RNFT2: variants seen among roughly 807,000 people sequenced by gnomAD.
The protein encoded by RNFT2 is ring finger protein, transmembrane 2, also known as E3 ubiquitin-protein ligase RNFT2.
Under a neutral mutation model 53.0 loss-of-function variants are expected in RNFT2, and 36 were observed. The observed-to-expected ratio is 0.68, with a 90% CI of 0.52 to 0.90. RNFT2 has a LOEUF of 0.90. RNFT2 is among the 40% of genes least tolerant of loss of function. The probability of loss-of-function intolerance (pLI) is 0.00; values close to 1 mark genes in which losing one functional copy is unlikely to be tolerated. For missense variants in RNFT2, 514 were observed against 585.6 expected (o/e 0.88, Z 1.26); for synonymous variants, 260 against 253.2 (o/e 1.03, Z -0.26).
intron 7 of RNFT2, among the ~76,000 whole-genome samples, chr12:116,821,486 G>A (rs542429386): frequency 6.6e-6 from 1 of 152,318 alleles, no homozygotes; most frequent in African/African-American, 2.4e-5. Context: ...TAACAGGCCC[G>A]CAGGCCACCT....
intron 7 of RNFT2, among the ~76,000 whole-genome samples, chr12:116,828,064 C>T (rs765225633): frequency 3.0e-4 from 45 of 152,274 alleles, no homozygotes; most frequent in Non-Finnish European, 4.4e-4. Flanking sequence ...ATGGGGTAGC[C>T]GTGTCCTTAC....
intron 7 of RNFT2, among the ~76,000 whole-genome samples, chr12:116,826,129 TCTC>T (rs931878202): frequency 2.0e-5 from 3 of 151,942 alleles, no homozygotes; most frequent in African/African-American, 4.8e-5. Flanking sequence ...TCCAAAAAAT[TCTC>T]CTCTCTGTTC....
intron 7 of RNFT2, among the ~76,000 whole-genome samples, chr12:116,822,176 C>A (rs1876073290): frequency 6.6e-6 from 1 of 152,042 alleles, no homozygotes; most frequent in Admixed American, 6.6e-5. Context: ...TCTCTGTCCC[C>A]TTAGTTCTGA....
In RNFT2 at chr12:116,852,075, C is replaced by A; in HGVS notation, c.*2627C>A. On this transcript the variant is annotated 3_prime_UTR_variant, in exon 11 of 11. Coordinates refer to ENST00000257575, the MANE Select transcript of RNFT2 (RefSeq NM_001382266.1). Reference sequence around the variant, plus strand: ...CCACTTCTCCACCTCTGAAATGTTCCCTGCTCTGAAATCTGGCATGAGATG... The same window carrying A: ...CCACTTCTCCACCTCTGAAATGTTCACTGCTCTGAAATCTGGCATGAGATG... 9.1e-7 allele frequency: 1 copy of A among 1,100,932 alleles called. No homozygotes were observed. The highest frequency in any genetic ancestry group is 1.3e-6 in the Non-Finnish European group (1 of 799,372). The allele number at this position is 1,100,932 out of a possible 1,614,324, so 68.2% of individuals were successfully genotyped here.
intron 7 of RNFT2, among the ~76,000 whole-genome samples, chr12:116,786,027 C>T (rs977598330): frequency 2.0e-5 from 3 of 151,890 alleles, no homozygotes; most frequent in Non-Finnish European, 2.9e-5. Flanking sequence ...ACTCCAGCCT[C>T]GGCAATAGAG....
In RNFT2 at chr12:116,767,573, T is replaced by G. The variant is rs1376939799; in HGVS notation, c.728+659T>G. 2.6e-5 allele frequency among the ~76,000 whole-genome samples: 4 copies of G among 151,812 alleles called. No individual in the cohort carries two copies. In the East Asian group the frequency reaches 7.7e-4, roughly 29 times the overall value. On this transcript the variant is annotated intron_variant, in intron 6 of 10. Coordinates refer to ENST00000257575, the MANE Select transcript of RNFT2 (RefSeq NM_001382266.1). ...GATCGATATAAAAATTATGTTTTTT[T>G]TTTGTTTGTTTTTTCTTGTTTTTTG...
chr12:116,842,185 T>A (rs973975803), intron 10 of RNFT2, among the ~76,000 whole-genome samples: 16 of 151,596 alleles, frequency 1.1e-4, no homozygotes. Context: ...CACTGGCTCT[T>A]GTGGCCAGTA....
chr12:116,841,782 T>TATATATATATAA (rs1250788546), intron 10 of RNFT2, among the ~76,000 whole-genome samples: 5 of 96,994 alleles, frequency 5.2e-5, no homozygotes, highest in South Asian at 3.0e-4. Flanking sequence ...TATATATAAA[T>TATATATATATAA]ATATATATAT....
chr12:116,773,204 T>C (rs1277238655), intron 6 of RNFT2, among the ~76,000 whole-genome samples: 1 of 151,962 alleles, frequency 6.6e-6, no homozygotes, highest in African/African-American at 2.4e-5. Context: ...TCAGGTGATC[T>C]GCCCGCCTTG....
At position 116,751,357 on chromosome 12, in the gene RNFT2, A is replaced by G. The variant is rs554375890; in HGVS notation, c.550+1050A>G. The stretch of plus-strand genomic sequence containing the variant: ...TGATTCATAAAGTGCTCAGCCTCCT[A>G]TCTGACACATACTCAACAGTCAATA... On this transcript the variant is annotated intron_variant, in intron 4 of 10. Coordinates refer to ENST00000257575, the MANE Select transcript of RNFT2 (RefSeq NM_001382266.1). Among the ~76,000 whole-genome samples the G allele has an allele frequency of 3.9e-5, 6 of 152,244 alleles. No individual in the cohort carries two copies. In the South Asian group the frequency reaches 1.2e-3, roughly 32 times the overall value.
intron 7 of RNFT2, among the ~76,000 whole-genome samples, chr12:116,787,023 C>A (rs1218831100): frequency 1.3e-5 from 2 of 152,166 alleles, no homozygotes; most frequent in African/African-American, 4.8e-5. Flanking sequence ...GGCAGGGTAA[C>A]CTCCCCATGC....
At chr12:116,760,795 A>G (rs1307544451) in intron 5 of RNFT2, among the ~76,000 whole-genome samples, 7 of 152,042 alleles carry the variant, frequency 4.6e-5, no homozygotes, top group Admixed American at 1.3e-4. Flanking sequence ...AAAATTCACA[A>G]TGCGAGCTGC....
chr12:116,748,824 G>A (rs549688813), intron 3 of RNFT2: 211 of 273,600 alleles, frequency 7.7e-4, no homozygotes, highest in Non-Finnish European at 1.4e-3. Context: ...AGAGAGAGTC[G>A]GCCTGGGTTC....
chr12:116,781,894 C>T (rs1230600524), intron 7 of RNFT2, among the ~76,000 whole-genome samples: 5 of 151,576 alleles, frequency 3.3e-5, no homozygotes, highest in South Asian at 2.1e-4. Flanking sequence ...CTGGGCTACA[C>T]GGTGAAACCC....
rs529456076 is a variant in RNFT2 at position 116,847,933 on chromosome 12, C to T, written c.1201-1381C>T. ...ACGTGTGCCATGGTGGTTTGCTGCA[C>T]CTATCAACCCATCACCTAGGTATTA... On this transcript the variant is annotated intron_variant, in intron 10 of 10. Transcript: ENST00000257575. 5.3e-5 allele frequency among the ~76,000 whole-genome samples: 8 copies of T among 152,256 alleles called. No homozygotes were observed. The South Asian group carries it at 1.5e-3, about 28-fold the overall frequency.
At chr12:116,838,336 C>T (rs948814665) in intron 10 of RNFT2, among the ~76,000 whole-genome samples, 1 of 152,200 alleles carries the variant, frequency 6.6e-6, no homozygotes, top group Non-Finnish European at 1.5e-5. Context: ...GGCACGTGGT[C>T]AGGGTTCAAT....
chr12:116,809,256 G>A (rs943962030), intron 7 of RNFT2, among the ~76,000 whole-genome samples: 4 of 152,092 alleles, frequency 2.6e-5, no homozygotes, highest in African/African-American at 7.2e-5. Flanking sequence ...CTGCATCCCA[G>A]TCCTCCTCCA....
intron 7 of RNFT2, among the ~76,000 whole-genome samples, chr12:116,793,440 A>C (rs1269767762): frequency 6.6e-6 from 1 of 151,984 alleles, no homozygotes; most frequent in Non-Finnish European, 1.5e-5. Context: ...CTCCCACCTC[A>C]GCCTCCCAGA....
chr12:116,753,414 G>C (rs56174906), intron 4 of RNFT2, among the ~76,000 whole-genome samples: 3 of 152,086 alleles, frequency 2.0e-5, no homozygotes, highest in Non-Finnish European at 4.4e-5. Flanking sequence ...GCCTCCCAAA[G>C]TGCTGGGATT....
Sources: gnomAD v4.1 joint callset for allele counts (sites outside exome capture counted in the v4.1 genomes callset) on GRCh38, gnomAD v4.1.1 for gene constraint, MANE v1.5 for transcripts, NCBI Gene and HGNC (gene_info 2026-07-23, HGNC 2026-07-21) for gene names.